Variants in PKHD1 observed in about 807,000 individuals in gnomAD.
PKHD1 encodes the protein fibrocystin.
A neutral mutation model predicts 412.0 loss-of-function variants in PKHD1; 291 were observed. That is an observed-to-expected ratio of 0.71 (90% CI 0.64 to 0.78). The LOEUF (loss-of-function observed/expected upper bound fraction) is 0.78. Ranked by LOEUF, PKHD1 falls within the 30% of genes least tolerant of loss-of-function variation. The pLI, the probability that PKHD1 is intolerant of heterozygous loss-of-function variation, is 0.00. For missense variants in PKHD1, 4,825 were observed against 4,950.7 expected (o/e 0.97, Z 0.76); for synonymous variants, 1,777 against 1,821.5 (o/e 0.98, Z 0.62).
At chr6:52,022,740 C>A in intron 33 of PKHD1, 61 bp downstream of exon 33, 2 of 1,553,062 alleles carry the variant, frequency 1.3e-6, no homozygotes, top group African/African-American at 1.4e-5. Context: ...ATAGAATTAA[C>A]CAAAGAATAT....
chr6:51,894,891 TTC>T (rs1260507432), intron 43 of PKHD1, among the ~76,000 whole-genome samples: 4 of 152,268 alleles, frequency 2.6e-5, no homozygotes, highest in Non-Finnish European at 2.9e-5. Flanking sequence ...CACATAGGAA[TTC>T]TCTTATTTAT....
chr6:51,663,376 CTGTTA>C (rs1204473054), intron 60 of PKHD1, among the ~76,000 whole-genome samples: 4 of 152,080 alleles, frequency 2.6e-5, no homozygotes, highest in African/African-American at 4.8e-5. Context: ...ATGTACAGTT[CTGTTA>C]TAATTATAAA....
chr6:52,041,607 T>C (rs1234189432), intron 27 of PKHD1, among the ~76,000 whole-genome samples: 2 of 152,174 alleles, frequency 1.3e-5, no homozygotes, highest in African/African-American at 2.4e-5. Context: ...CCTTTCCCCA[T>C]AGTCTTAATA....
At chr6:51,829,442 A>C (rs776817098) in intron 52 of PKHD1, among the ~76,000 whole-genome samples, 1 of 152,150 alleles carries the variant, frequency 6.6e-6, no homozygotes, top group Non-Finnish European at 1.5e-5. Flanking sequence ...TGGGGGAAGC[A>C]GCTTGCTTAG....
intron 35 of PKHD1, among the ~76,000 whole-genome samples, chr6:51,963,102 G>A (rs1368097676): frequency 6.6e-6 from 1 of 152,078 alleles, no homozygotes; most frequent in Non-Finnish European, 1.5e-5. Context: ...TGCAATAGGT[G>A]AAGATACAGG....
At chr6:51,964,602 C>T (rs1792536121) in intron 35 of PKHD1, among the ~76,000 whole-genome samples, 1 of 152,088 alleles carries the variant, frequency 6.6e-6, no homozygotes. Context: ...TACAATAATG[C>T]CTGGCATCTA....
At chr6:51,718,333 G>A (rs1384789624) in intron 60 of PKHD1, among the ~76,000 whole-genome samples, 1 of 152,156 alleles carries the variant, frequency 6.6e-6, no homozygotes, top group African/African-American at 2.4e-5. Flanking sequence ...CCAATGAGGG[G>A]TGGCGTTCTC....
At chr6:51,819,111 G>C (rs1279878062) in intron 52 of PKHD1, among the ~76,000 whole-genome samples, 1 of 152,140 alleles carries the variant, frequency 6.6e-6, no homozygotes, top group Non-Finnish European at 1.5e-5. Context: ...TGTTAAATTA[G>C]GTGTGAGAAC....
chr6:51,829,906 G>A (rs1307013883), intron 52 of PKHD1, among the ~76,000 whole-genome samples: 5 of 152,158 alleles, frequency 3.3e-5, no homozygotes, highest in African/African-American at 1.2e-4. Flanking sequence ...GTGGGACCCT[G>A]AACAAGTGAC....
chr6:51,959,998 C>A lies in PKHD1; in HGVS notation c.5780G>T (p.Arg1927Ile), dbSNP rs1485642148. ...AAACCAGCTGTGAGTCCTGGACCAT[C>A]TCCGGCAGAACTGTAAAGAAAAGTT... ...QGNFSLQFCR[R>I]WSRTHSWFPE... Residue 1927 changes from arginine (R) to isoleucine (I), a missense_variant, in exon 36 of 67, where the codon AGA becomes ATA. Transcript: ENST00000371117. The A allele has an allele frequency of 6.2e-7, 1 of 1,613,458 alleles. No homozygotes were observed. Among genetic ancestry groups the A allele is most frequent in the Admixed American group, 1.7e-5 (1 of 59,958 alleles).
chr6:51,907,726 G>A (rs548681302), intron 40 of PKHD1, among the ~76,000 whole-genome samples: 133 of 152,208 alleles, frequency 8.7e-4, no homozygotes, highest in African/African-American at 2.4e-3. Flanking sequence ...AATTAGCTGC[G>A]TAGGACATGA....
At position 51,831,639 on chromosome 6, in the gene PKHD1, T is replaced by G. The variant is rs192838345; in HGVS notation, c.8174-650A>C. ...TATCTTCTTCAAATACATTCCTCAA[T>G]GGAATGACTGAGTCAAAGGTGATGT... On this transcript the variant is annotated intron_variant, in intron 51 of 66. Coordinates refer to ENST00000371117, the MANE Select transcript of PKHD1 (RefSeq NM_138694.4). Among the ~76,000 whole-genome samples the G allele has an allele frequency of 6.7e-3, 1,020 of 152,228 alleles. 5 individuals are homozygous for G. Among genetic ancestry groups the G allele is most frequent in the Non-Finnish European group, 0.011 (744 of 68,006 alleles).
rs186127288 is a variant in PKHD1 at position 51,724,946 on chromosome 6, T to C, written c.10156+19439A>G. Reference sequence around the variant, plus strand: ...ATTTTAATCATGCAGTGAAGGAAGTTAGGACAACCCCTAGCTGTGAGGTTA... The same window carrying C: ...ATTTTAATCATGCAGTGAAGGAAGTCAGGACAACCCCTAGCTGTGAGGTTA... On this transcript the variant is annotated intron_variant, in intron 60 of 66. Transcript: ENST00000371117. 1.4e-4 allele frequency among the ~76,000 whole-genome samples: 22 copies of C among 152,200 alleles called. No individual in the cohort carries two copies. The East Asian group carries it at 1.5e-3, about 11-fold the overall frequency.
rs573530940 is a variant in PKHD1 at position 51,854,791 on chromosome 6, A to G, written c.7911+1102T>C. On this transcript the variant is annotated intron_variant, in intron 49 of 66. Coordinates refer to ENST00000371117, the MANE Select transcript of PKHD1 (RefSeq NM_138694.4). ...TCCAGCCTCCCTGGCTCCAACAGGG[A>G]AAAAACGCAGCCTAGAGCTATAGAA... Among the ~76,000 whole-genome samples, 6 of 151,712 alleles carry G rather than the reference A, an allele frequency of 4.0e-5. No individual in the cohort carries two copies. In the South Asian group the frequency reaches 1.2e-3, roughly 32 times the overall value.
At chr6:51,872,150 T>G (rs1337772064) in intron 46 of PKHD1, among the ~76,000 whole-genome samples, 1 of 151,980 alleles carries the variant, frequency 6.6e-6, no homozygotes, top group African/African-American at 2.4e-5. Flanking sequence ...TAAATAATCA[T>G]AGCTTTAAGG....
chr6:51,681,659 AC>A (rs1473561811), intron 60 of PKHD1, among the ~76,000 whole-genome samples: 1 of 151,958 alleles, frequency 6.6e-6, no homozygotes, highest in Non-Finnish European at 1.5e-5. Context: ...CTAGTCATTA[AC>A]CATTGAGCAG....
chr6:51,778,935 T>C (rs1472109481), intron 53 of PKHD1, among the ~76,000 whole-genome samples: 1 of 152,140 alleles, frequency 6.6e-6, no homozygotes, highest in Non-Finnish European at 1.5e-5. Flanking sequence ...TAACTAACTC[T>C]GATTCATCCC....
At chr6:52,085,298 A>C (rs1722979383) in intron 1 of PKHD1, among the ~76,000 whole-genome samples, 1 of 152,248 alleles carries the variant, frequency 6.6e-6, no homozygotes, top group Non-Finnish European at 1.5e-5. Context: ...AGTTTTAAAA[A>C]GAATTCTAGA....
chr6:51,938,399 A>G (rs550148574), intron 36 of PKHD1, among the ~76,000 whole-genome samples: 2 of 149,464 alleles, frequency 1.3e-5, no homozygotes, highest in African/African-American at 4.8e-5. Flanking sequence ...AGAAGTGAAA[A>G]TGGCTGGTCC....
Sources: gnomAD v4.1 joint callset for allele counts (sites outside exome capture counted in the v4.1 genomes callset) on GRCh38, gnomAD v4.1.1 for gene constraint, MANE v1.5 for transcripts, NCBI Gene and HGNC (gene_info 2026-07-23, HGNC 2026-07-21) for gene names.